DAPK1: variants seen among roughly 807,000 people sequenced by gnomAD.
DAPK1 encodes the protein death-associated protein kinase 1.
Under a neutral mutation model 144.9 loss-of-function variants are expected in DAPK1, and 56 were observed. That is an observed-to-expected ratio of 0.39 (90% CI 0.31 to 0.48). DAPK1 has a LOEUF of 0.48. Ranked by LOEUF, DAPK1 falls within the 20% of genes least tolerant of loss-of-function variation. The pLI is 0.95. For missense variants in DAPK1, 1,454 were observed against 1,875.4 expected (o/e 0.78, Z 4.15); for synonymous variants, 690 against 749.0 (o/e 0.92, Z 1.29).
At chr9:87,540,833 AG>A (rs770438409) in intron 2 of DAPK1, among the ~76,000 whole-genome samples, 24 of 152,188 alleles carry the variant, frequency 1.6e-4, no homozygotes, top group Non-Finnish European at 2.9e-4. Context: ...TTTAACTTTT[AG>A]GGCTGACATA....
At chr9:87,677,092 C>T (rs1564065304) in intron 19 of DAPK1, among the ~76,000 whole-genome samples, 1 of 152,184 alleles carries the variant, frequency 6.6e-6, no homozygotes, top group South Asian at 2.1e-4. Context: ...AGCTGGAAGG[C>T]GCCGTGCACG....
chr9:87,694,558 C>A (rs1436846307), intron 21 of DAPK1, among the ~76,000 whole-genome samples: 2 of 152,136 alleles, frequency 1.3e-5, no homozygotes, highest in African/African-American at 4.8e-5. Flanking sequence ...CATATGCGGC[C>A]AGCTGGGGAG....
chr9:87,691,482 TTTG>T (rs1399125746), intron 21 of DAPK1, among the ~76,000 whole-genome samples: 10 of 152,032 alleles, frequency 6.6e-5, no homozygotes, highest in African/African-American at 2.2e-4. Flanking sequence ...TAGTATCTGT[TTTG>T]TTTAGTTCTT....
At chr9:87,613,220 A>T (rs1219969887) in intron 3 of DAPK1, among the ~76,000 whole-genome samples, 1 of 152,202 alleles carries the variant, frequency 6.6e-6, no homozygotes, top group Non-Finnish European at 1.5e-5. Context: ...ATCATGGTAA[A>T]ACAACATACA....
At chr9:87,505,474 C>T (rs1403071059) in intron 2 of DAPK1, among the ~76,000 whole-genome samples, 1 of 152,160 alleles carries the variant, frequency 6.6e-6, no homozygotes, top group African/African-American at 2.4e-5. Flanking sequence ...CGGCTCACTG[C>T]AACCTCCGCC....
intron 2 of DAPK1, among the ~76,000 whole-genome samples, chr9:87,590,309 G>A (rs1407413329): frequency 6.7e-6 from 1 of 149,150 alleles, no homozygotes. Flanking sequence ...CTTACTTCAA[G>A]CTTTGGTTCC....
chr9:87,657,996 G>A, intron 17 of DAPK1, 33 bp from the exon 18 acceptor site: 8 of 833,768 alleles, frequency 9.6e-6, no homozygotes, highest in Non-Finnish European at 1.5e-5. Context: ...TGCGTGAGAA[G>A]AACGACCTTT....
chr9:87,610,139 C>T (rs535242509), intron 3 of DAPK1, among the ~76,000 whole-genome samples: 9 of 152,256 alleles, frequency 5.9e-5, no homozygotes, highest in Non-Finnish European at 1.0e-4. Flanking sequence ...GCCTGAAAGT[C>T]GCTTTAAAGG....
At chr9:87,546,100 C>A (rs184237645) in intron 2 of DAPK1, among the ~76,000 whole-genome samples, 1 of 152,230 alleles carries the variant, frequency 6.6e-6, no homozygotes, top group Non-Finnish European at 1.5e-5. Context: ...TAAACTTGAG[C>A]TTTCCTGTGG....
At chr9:87,583,248 A>G (rs1827816902) in intron 2 of DAPK1, among the ~76,000 whole-genome samples, 1 of 152,058 alleles carries the variant, frequency 6.6e-6, no homozygotes, top group African/African-American at 2.4e-5. Context: ...CTCCCATGAT[A>G]CTATGCCTGA....
At chr9:87,565,016 AAC>A (rs1199106294) in intron 2 of DAPK1, among the ~76,000 whole-genome samples, 2 of 152,184 alleles carry the variant, frequency 1.3e-5, no homozygotes, top group African/African-American at 4.8e-5. Flanking sequence ...TGTCTGGGAA[AAC>A]ACAGTGAAAA....
At chr9:87,617,270 C>G (rs1435632844) in intron 3 of DAPK1, among the ~76,000 whole-genome samples, 1 of 152,106 alleles carries the variant, frequency 6.6e-6, no homozygotes, top group Non-Finnish European at 1.5e-5. Flanking sequence ...TTTCCACTTC[C>G]TTATTGGAAT....
At chr9:87,660,272 A>G (rs1433896288) in intron 18 of DAPK1, among the ~76,000 whole-genome samples, 2 of 151,962 alleles carry the variant, frequency 1.3e-5, no homozygotes, top group South Asian at 2.1e-4. Context: ...GTGGGCAGCC[A>G]GGGGAGGGTT....
At chr9:87,550,517 T>G (rs1282589464) in intron 2 of DAPK1, among the ~76,000 whole-genome samples, 1 of 152,268 alleles carries the variant, frequency 6.6e-6, no homozygotes, top group Non-Finnish European at 1.5e-5. Context: ...CATGGCATTC[T>G]GCTTTTCTAT....
intron 3 of DAPK1, among the ~76,000 whole-genome samples, chr9:87,621,681 TC>T: frequency 6.6e-6 from 1 of 152,188 alleles, no homozygotes; most frequent in East Asian, 1.9e-4. Context: ...GGGTTTGAAA[TC>T]AATTGCATTC....
intron 18 of DAPK1, among the ~76,000 whole-genome samples, chr9:87,666,603 A>T (rs1263381172): frequency 6.6e-6 from 1 of 151,460 alleles, no homozygotes; most frequent in Non-Finnish European, 1.5e-5. Context: ...CCTCCTGAGT[A>T]TCTGGAATTA....
At chr9:87,694,885 G>A (rs1323567327) in intron 21 of DAPK1, among the ~76,000 whole-genome samples, 2 of 152,292 alleles carry the variant, frequency 1.3e-5, no homozygotes, top group Non-Finnish European at 2.9e-5. Flanking sequence ...GAGTGCGTGG[G>A]AGCCAGCCTG....
chr9:87,513,877 A>G (rs2118143061), intron 2 of DAPK1, among the ~76,000 whole-genome samples: 1 of 152,306 alleles, frequency 6.6e-6, no homozygotes, highest in South Asian at 2.1e-4. Context: ...GGCATTAGTG[A>G]CAGCCTGTTC....
At chr9:87,648,592 A>G in intron 14 of DAPK1, 189 bp from the exon 15 acceptor site, 1 of 581,946 alleles carries the variant, frequency 1.7e-6, no homozygotes, top group Non-Finnish European at 3.1e-6. Flanking sequence ...CTTAATACTC[A>G]CTGTGTGGTG....
Sources: gnomAD v4.1 joint callset for allele counts (sites outside exome capture counted in the v4.1 genomes callset) on GRCh38, gnomAD v4.1.1 for gene constraint, MANE v1.5 for transcripts, NCBI Gene and HGNC (gene_info 2026-07-23, HGNC 2026-07-21) for gene names.